The following BEND4 variants were observed in gnomAD, a reference collection of about 807,000 sequenced individuals.
BEND4 encodes the protein BEN domain containing 4.
Under a neutral mutation model 54.7 loss-of-function variants are expected in BEND4, and 27 were observed. The observed-to-expected ratio is 0.49, with a 90% CI of 0.36 to 0.68. The LOEUF (loss-of-function observed/expected upper bound fraction) is 0.68, where lower values mean the gene tolerates loss of function less well. BEND4 is among the 30% of genes least tolerant of loss of function. BEND4 has a pLI of 0.00. For missense variants in BEND4, 702 were observed against 697.2 expected (o/e 1.01, Z -0.08); for synonymous variants, 327 against 299.5 (o/e 1.09, Z -0.95).
intron 2 of BEND4, 67 bp downstream of exon 2, chr4:42,151,590 C>CA: frequency 7.2e-7 from 1 of 1,398,562 alleles, no homozygotes; most frequent in Non-Finnish European, 9.2e-7. Flanking sequence ...CCCCGCTTCT[C>CA]CTTCCTGGGT....
intron 3 of BEND4, among the ~76,000 whole-genome samples, chr4:42,138,110 C>T (rs1016971569): frequency 2.0e-5 from 3 of 152,184 alleles, no homozygotes; most frequent in South Asian, 4.1e-4. Flanking sequence ...ATGAAATCAA[C>T]ATCTTGTAAA....
In BEND4 at chr4:42,113,353, T is replaced by C. The variant is rs1172281984; in HGVS notation, c.*4165A>G. ...GAAACCTAAGAAACTCAGGAGGTAG[T>C]CAATGGGTATTAGGTTTAGGTTCTA... On this transcript the variant is annotated 3_prime_UTR_variant, in exon 6 of 6. Transcript: ENST00000502486. 6.6e-6 allele frequency: 1 copy of C among 152,214 alleles called. No homozygotes were observed. The highest frequency in any genetic ancestry group is 1.5e-5 in the Non-Finnish European group (1 of 68,034). 9.4% of individuals were successfully genotyped at this position (152,214 alleles called of 1,614,324 possible). A position where few individuals can be genotyped will look rare whatever the true frequency, so the allele number is the denominator to read the frequency against.
At chr4:42,136,734 G>C (rs959831914) in intron 3 of BEND4, among the ~76,000 whole-genome samples, 5 of 152,334 alleles carry the variant, frequency 3.3e-5, no homozygotes, top group Middle Eastern at 3.4e-3. Flanking sequence ...TTGTAGCACT[G>C]AAGTGCTGTC....
chr4:42,150,800 A>G (rs552878067), intron 2 of BEND4, among the ~76,000 whole-genome samples: 22 of 152,162 alleles, frequency 1.4e-4, no homozygotes, highest in Non-Finnish European at 1.6e-4. Flanking sequence ...CGGACCCCAG[A>G]GTGGGTGCCT....
rs1449534378 is a variant in BEND4 at position 42,111,311 on chromosome 4, A to C, written c.*6207T>G. Reference sequence around the variant, plus strand: ...ATAGAGAATCAACAAGACTCCAACAATAAAAATATCAGGATCAATGGATTT... The same window carrying C: ...ATAGAGAATCAACAAGACTCCAACACTAAAAATATCAGGATCAATGGATTT... On this transcript the variant is annotated 3_prime_UTR_variant, in exon 6 of 6. Transcript: ENST00000502486. 6.6e-6 allele frequency: 1 copy of C among 152,258 alleles called. No individual in the cohort carries two copies. Among genetic ancestry groups the C allele is most frequent in the African/African-American group, 2.4e-5 (1 of 41,474 alleles). The allele number at this position is 152,258 out of a possible 1,614,324, so 9.4% of individuals were successfully genotyped here. A position where few individuals can be genotyped will look rare whatever the true frequency, so the allele number is the denominator to read the frequency against.
chr4:42,150,956 G>A (rs1721249133), intron 2 of BEND4: 1 of 152,248 alleles, frequency 6.6e-6, no homozygotes, highest in South Asian at 2.1e-4. Flanking sequence ...GACTCCCGGG[G>A]CAGGAAGGAG....
intron 2 of BEND4, among the ~76,000 whole-genome samples, chr4:42,149,650 C>A (rs1342311720): frequency 1.3e-5 from 2 of 151,214 alleles, no homozygotes; most frequent in Non-Finnish European, 2.9e-5. Flanking sequence ...CATCTGGGAA[C>A]AGAGACAAAA....
At chr4:42,132,988 C>CT (rs2153146099) in intron 3 of BEND4, among the ~76,000 whole-genome samples, 1 of 152,228 alleles carries the variant, frequency 6.6e-6, no homozygotes, top group East Asian at 1.9e-4. Context: ...TTTTTCTCCT[C>CT]TATGTAACAA....
chr4:42,128,766 TACAA>T (rs144267530), intron 3 of BEND4, among the ~76,000 whole-genome samples: 20 of 150,306 alleles, frequency 1.3e-4, no homozygotes, highest in East Asian at 5.9e-4. Flanking sequence ...CTACTAAAAA[TACAA>T]ACAAACAAAC....
intron 3 of BEND4, among the ~76,000 whole-genome samples, chr4:42,142,833 T>C (rs906063938): frequency 3.3e-5 from 5 of 152,160 alleles, no homozygotes; most frequent in African/African-American, 4.8e-5. Context: ...TGGTCTATCT[T>C]TGACCTATTA....
At chr4:42,129,713 T>A (rs1384725440) in intron 3 of BEND4, among the ~76,000 whole-genome samples, 1 of 152,292 alleles carries the variant, frequency 6.6e-6, no homozygotes, top group South Asian at 2.1e-4. Context: ...TTATACCTTA[T>A]ACAAAAAGTA....
intron 4 of BEND4, among the ~76,000 whole-genome samples, chr4:42,122,998 C>T (rs1422146915): frequency 6.6e-6 from 1 of 152,134 alleles, no homozygotes; most frequent in East Asian, 1.9e-4. Flanking sequence ...AGAGCTTTCT[C>T]AAAACCTTTG....
intron 5 of BEND4, 114 bp downstream of exon 5, chr4:42,119,940 T>C (rs1577745823): frequency 2.2e-6 from 3 of 1,349,552 alleles, no homozygotes; most frequent in Admixed American, 3.8e-5. Flanking sequence ...GCCTAGACGT[T>C]CTCAGCAGAA....
Position 42,143,495 on chromosome 4 carries a change from C to T in BEND4, c.987G>A (p.Leu329=). The T allele has an allele frequency of 2.6e-6, 4 of 1,552,408 alleles. No individual in the cohort carries two copies. Among genetic ancestry groups the T allele is most frequent in the Non-Finnish European group, 3.5e-6 (4 of 1,147,216 alleles). Residue 329 remains leucine (L), a synonymous_variant, in exon 3 of 6, where the codon CTG becomes CTA. Coordinates refer to ENST00000502486, the MANE Select transcript of BEND4 (RefSeq NM_207406.4). ...EEGYCPRCQE[L]EQEVISLQQE... Reference sequence around the variant, plus strand: ...GTTGCAGTGAAATAACCTCCTGCTCCAGCTCTTGGCATCGAGGACAATAGC... The same window carrying T: ...GTTGCAGTGAAATAACCTCCTGCTCTAGCTCTTGGCATCGAGGACAATAGC...
chr4:42,139,010 T>C (rs1227684843), intron 3 of BEND4, among the ~76,000 whole-genome samples: 1 of 152,162 alleles, frequency 6.6e-6, no homozygotes, highest in East Asian at 1.9e-4. Context: ...CTTTTATGAG[T>C]TCTCCTTAGT....
In BEND4 at chr4:42,151,721, G is replaced by A. The variant is rs1721295025; in HGVS notation, c.423C>T (p.Gly141=). 5 of 1,505,032 alleles carry A rather than the reference G, an allele frequency of 3.3e-6. No individual in the cohort carries two copies. Among genetic ancestry groups the A allele is most frequent in the East Asian group, 2.8e-5 (1 of 35,752 alleles). The allele number at this position is 1,505,032 out of a possible 1,614,324, so 93.2% of individuals were successfully genotyped here. ...CGCCGGTGCCGGCGGCCGCCGCCGC[G>A]CCTGGGCCATACCTGACGACAGCGG... is the stretch of plus-strand genomic sequence containing the variant. ...SFAAVVRYGP[G]AAAAAGTGGT... The change falls in exon 2 of 6, where the codon GGC becomes GGT. Residue 141 remains glycine, a synonymous_variant. Transcript: ENST00000502486.
At chr4:42,139,805 A>T (rs746942813) in intron 3 of BEND4, among the ~76,000 whole-genome samples, 1 of 152,192 alleles carries the variant, frequency 6.6e-6, no homozygotes, top group Non-Finnish European at 1.5e-5. Context: ...CTACTAGAAG[A>T]AAGCCCCAGG....
intron 4 of BEND4, among the ~76,000 whole-genome samples, chr4:42,120,932 T>C (rs1003595599): frequency 1.3e-5 from 2 of 152,206 alleles, no homozygotes; most frequent in African/African-American, 4.8e-5. Context: ...ACTTTTCACC[T>C]TCATAATTTA....
intron 3 of BEND4, among the ~76,000 whole-genome samples, chr4:42,126,887 G>A (rs1247023867): frequency 6.6e-6 from 1 of 152,030 alleles, no homozygotes; most frequent in Non-Finnish European, 1.5e-5. Flanking sequence ...AAAACAAAAA[G>A]AACAAAAGAT....
Sources: allele counts gnomAD v4.1 joint callset (sites outside exome capture counted in the v4.1 genomes callset), GRCh38; gene constraint gnomAD v4.1.1; transcripts MANE v1.5; gene names NCBI Gene and HGNC (gene_info 2026-07-23, HGNC 2026-07-21).